Variants in CASK observed in about 807,000 individuals in gnomAD.
The protein encoded by CASK is peripheral plasma membrane protein CASK.
In CASK, 4 loss-of-function variants were observed where a neutral mutation model predicts 82.9. The observed-to-expected ratio is 0.05, with a 90% CI of 0.02 to 0.11. The LOEUF is 0.11. Ranked by LOEUF, CASK falls within the 10% of genes least tolerant of loss-of-function variation. CASK has a pLI of 1.00. For synonymous variants in CASK, 259 were observed against 253.5 expected, an observed-to-expected ratio of 1.02 and a Z score of -0.20; for missense variants, 358 against 720.9, an observed-to-expected ratio of 0.50 and a Z score of 5.76.
chrX:41,601,533 AT>A lies in CASK; in HGVS notation c.1155+8370del, dbSNP rs753348566. On this transcript the variant is annotated intron_variant, in intron 12 of 26. Coordinates refer to ENST00000378163, the MANE Select transcript of CASK (RefSeq NM_001367721.1). ...CTTGGGAGAAAAAACCATATTTAGT[AT>A]TTTTGAATCAGTGGTAAATTCTTAG... 2.4e-3 allele frequency among the ~76,000 whole-genome samples: 268 copies of A among 111,937 alleles called. 1 individual carries two copies. Among genetic ancestry groups the A allele is most frequent in the African/African-American group, 8.5e-3 (262 of 30,906 alleles).
chrX:41,697,923 T>G (rs1233673051), intron 5 of CASK: 11 of 110,400 alleles, frequency 1.0e-4, no homozygotes, highest in Non-Finnish European at 1.9e-4. Context: ...TGTCTCAGCC[T>G]CCCGAGTAGC....
chrX:41,591,631 C>T (rs537276610), intron 12 of CASK, among the ~76,000 whole-genome samples: 2 of 111,064 alleles, frequency 1.8e-5, no homozygotes, highest in African/African-American at 3.3e-5. Context: ...CGTGCCACCA[C>T]GCCCAGCTAA....
At chrX:41,598,719 G>C (rs2065857838) in intron 12 of CASK, among the ~76,000 whole-genome samples, 1 of 111,341 alleles carries the variant, frequency 9.0e-6, no homozygotes, top group Non-Finnish European at 1.9e-5. Context: ...TGTATCATTG[G>C]GATATTACAA....
At position 41,574,075 on chromosome X, in the gene CASK, G is replaced by A. The variant is rs2065453142; in HGVS notation, c.1503+4265C>T. On this transcript the variant is annotated intron_variant, in intron 15 of 26. Transcript: ENST00000378163. ...GTGTTGGGGAGTTTCTCAGTGTTGGGGAATTTCCTATTAGACATGCACTGA... is the reference window on the plus strand; with the variant it reads ...GTGTTGGGGAGTTTCTCAGTGTTGGAGAATTTCCTATTAGACATGCACTGA... Among the ~76,000 whole-genome samples, 6 of 110,836 alleles carry A rather than the reference G, an allele frequency of 5.4e-5. No homozygotes were observed. In the Admixed American group the frequency reaches 5.8e-4, roughly 11 times the overall value.
intron 11 of CASK, among the ~76,000 whole-genome samples, chrX:41,622,398 C>T (rs1034129771): frequency 8.9e-6 from 1 of 112,034 alleles, no homozygotes; most frequent in Non-Finnish European, 1.9e-5. Context: ...GTCTTTTTTC[C>T]TCTTATGAAA....
At chrX:41,778,392 G>A (rs1398968752) in intron 3 of CASK, among the ~76,000 whole-genome samples, 3 of 109,565 alleles carry the variant, frequency 2.7e-5, no homozygotes, top group African/African-American at 1.0e-4. Context: ...CACCACGCCT[G>A]GCTAATTTTT....
intron 15 of CASK, among the ~76,000 whole-genome samples, chrX:41,574,200 G>C (rs1014934274): frequency 1.8e-5 from 2 of 110,829 alleles, no homozygotes; most frequent in African/African-American, 3.3e-5. Flanking sequence ...ATGAACTCTA[G>C]TTGCTTTGGT....
intron 1 of CASK, among the ~76,000 whole-genome samples, chrX:41,856,247 A>G (rs145641520): frequency 1.8e-5 from 2 of 112,026 alleles, no homozygotes; most frequent in Non-Finnish European, 3.8e-5. Flanking sequence ...ACTCCACTAC[A>G]ATGATACCAA....
intron 1 of CASK, among the ~76,000 whole-genome samples, chrX:41,895,349 A>G (rs5918267): frequency 0.35 from 38,820 of 110,519 alleles, 5,019 homozygotes; most frequent in East Asian, 0.54. Context: ...AGAGAAATCT[A>G]TAATTGAAAA....
chrX:41,669,411 A>G (rs1382632246), intron 6 of CASK, among the ~76,000 whole-genome samples: 2 of 111,621 alleles, frequency 1.8e-5, no homozygotes, highest in South Asian at 3.8e-4. Context: ...TACGAAGAAC[A>G]TGACATTCTA....
At chrX:41,902,335 G>C (rs1028378082) in intron 1 of CASK, among the ~76,000 whole-genome samples, 4 of 111,248 alleles carry the variant, frequency 3.6e-5, no homozygotes, top group African/African-American at 1.3e-4. Context: ...GGCTTCAGGG[G>C]AGAAGCTTTT....
intron 1 of CASK, among the ~76,000 whole-genome samples, chrX:41,880,490 A>G (rs998993661): frequency 8.1e-5 from 9 of 111,537 alleles, no homozygotes; most frequent in African/African-American, 2.3e-4. Flanking sequence ...CAAACTGCCC[A>G]TGTTGCTTTC....
chrX:41,714,019 G>T (rs1391948267), intron 5 of CASK, among the ~76,000 whole-genome samples: 1 of 111,698 alleles, frequency 9.0e-6, no homozygotes, highest in Non-Finnish European at 1.9e-5. Flanking sequence ...TGTTGAGGCA[G>T]GTTAATCAAG....
intron 5 of CASK, among the ~76,000 whole-genome samples, chrX:41,695,180 G>C (rs2067658230): frequency 8.9e-6 from 1 of 111,842 alleles, no homozygotes; most frequent in Non-Finnish European, 1.9e-5. Context: ...AAAGGTTAGA[G>C]CATGAAACTC....
intron 2 of CASK, among the ~76,000 whole-genome samples, chrX:41,829,385 T>C (rs1158884463): frequency 9.2e-6 from 1 of 109,116 alleles, no homozygotes; most frequent in Non-Finnish European, 1.9e-5. Context: ...GAGTTGGTAG[T>C]TTTTTAAGCC....
chrX:41,856,795 C>CAAA (rs575324555), intron 1 of CASK, among the ~76,000 whole-genome samples: 7 of 42,114 alleles, frequency 1.7e-4, no homozygotes, highest in African/African-American at 6.9e-4. Flanking sequence ...GACTCCGTCT[C>CAAA]AAAAAAAAAA....
At chrX:41,567,038 T>C (rs2065329795) in intron 16 of CASK, among the ~76,000 whole-genome samples, 1 of 112,095 alleles carries the variant, frequency 8.9e-6, no homozygotes, top group African/African-American at 3.2e-5. Context: ...TAGCCATATG[T>C]AGAAAGCTGA....
At chrX:41,631,064 C>A (rs1010729331) in intron 9 of CASK, among the ~76,000 whole-genome samples, 5 of 110,990 alleles carry the variant, frequency 4.5e-5, no homozygotes, top group Non-Finnish European at 9.4e-5. Context: ...CCTTTAATTT[C>A]ATAATTTTCA....
intron 5 of CASK, among the ~76,000 whole-genome samples, chrX:41,734,434 AT>A (rs937267248): frequency 3.6e-5 from 4 of 111,459 alleles, no homozygotes; most frequent in African/African-American, 1.3e-4. Flanking sequence ...CAACTGTGCT[AT>A]TTCTTTCTAA....
Sources: allele counts gnomAD v4.1 joint callset (sites outside exome capture counted in the v4.1 genomes callset), GRCh38; gene constraint gnomAD v4.1.1; transcripts MANE v1.5; gene names NCBI Gene and HGNC (gene_info 2026-07-23, HGNC 2026-07-21).